OR8B3: variants seen among roughly 807,000 people sequenced by gnomAD.
OR8B3 encodes the protein olfactory receptor family 8 subfamily B member 3, also known as olfactory receptor 8B3.
For missense variants in OR8B3, 278 were observed against 377.6 expected (o/e 0.74, Z 2.19); for synonymous variants, 102 against 135.4 (o/e 0.75, Z 1.71).
the OR8B3 span, among the ~76,000 whole-genome samples, chr11:124,405,260 G>A: frequency 6.6e-6 from 1 of 152,086 alleles, no homozygotes; most frequent in Non-Finnish European, 1.5e-5. Flanking sequence ...GAGTCCCTAA[G>A]GAGGTCCCCA....
rs1042151246 is a variant in OR8B3 at position 124,396,062 on chromosome 11, A to T, written c.*348T>A. On this transcript the variant is annotated 3_prime_UTR_variant, in exon 2 of 2. Transcript: ENST00000641139. ...GCTTCTATCATATTTGGCACTTCTGAGTTTAGGTGAGAAAGCCGTGACTTT... is the reference window on the plus strand; with the variant it reads ...GCTTCTATCATATTTGGCACTTCTGTGTTTAGGTGAGAAAGCCGTGACTTT... 4 of 182,080 alleles carry T rather than the reference A, an allele frequency of 2.2e-5. No individual in the cohort carries two copies. In the East Asian group the frequency reaches 4.4e-4, roughly 20 times the overall value. 11.3% of individuals were successfully genotyped at this position (182,080 alleles called of 1,614,324 possible).
the OR8B3 span, among the ~76,000 whole-genome samples, chr11:124,406,515 C>T: frequency 6.6e-6 from 1 of 152,062 alleles, no homozygotes; most frequent in Non-Finnish European, 1.5e-5. Context: ...TCAGCATTTT[C>T]TTATGATTTC....
chr11:124,401,161 G>A (rs1390014493), upstream of OR8B3, among the ~76,000 whole-genome samples: 5 of 151,544 alleles, frequency 3.3e-5, no homozygotes, highest in Non-Finnish European at 7.4e-5. Flanking sequence ...CCAAGATTGA[G>A]GTGTCAGCAT....
intron 1 of OR8B3, 136 bp downstream of exon 1, chr11:124,398,554 G>C (rs1048896577): frequency 1.3e-5 from 2 of 152,220 alleles, no homozygotes; most frequent in Non-Finnish European, 2.9e-5. Flanking sequence ...GAAGCCAACA[G>C]AGAGAACAGT....
the OR8B3 span, among the ~76,000 whole-genome samples, chr11:124,405,862 T>C: frequency 3.9e-5 from 6 of 152,354 alleles, no homozygotes; most frequent in East Asian, 9.6e-4. Context: ...TCCTGTGTCA[T>C]AGACCTACCT....
the OR8B3 span, among the ~76,000 whole-genome samples, chr11:124,407,694 AT>A: frequency 1.3e-5 from 2 of 152,116 alleles, no homozygotes; most frequent in African/African-American, 4.8e-5. Flanking sequence ...TGAAATACAA[AT>A]TTTATAGAAA....
chr11:124,397,152 G>A lies in OR8B3; in HGVS notation c.200C>T (p.Ser67Phe), dbSNP rs755748416. 8 of 1,612,772 alleles carry A rather than the reference G, an allele frequency of 5.0e-6. No individual in the cohort carries two copies. Among genetic ancestry groups the A allele is most frequent in the South Asian group, 1.1e-5 (1 of 90,976 alleles). ...AGAGGAGTAACAGAGATCAATGAAG[G>A]AGAGATTGAAGAGGAAATAGTACAT... ...TPMYYFLFNL[S>F]FIDLCYSSVF... Residue 67 changes from serine (S) to phenylalanine (F), a missense_variant, in exon 2 of 2, where the codon TCC becomes TTC. Transcript: ENST00000641139.
At chr11:124,399,301 TC>T (rs1235944162), upstream of OR8B3, among the ~76,000 whole-genome samples, 1 of 152,212 alleles carries the variant, frequency 6.6e-6, no homozygotes, top group Admixed American at 6.5e-5. Context: ...ATATTGTGAG[TC>T]CTTTTAAATA....
chr11:124,408,686 G>C, the OR8B3 span, among the ~76,000 whole-genome samples: 1 of 152,102 alleles, frequency 6.6e-6, no homozygotes, highest in Non-Finnish European at 1.5e-5. Context: ...GGCAGGACTC[G>C]ACTCCATCTA....
the OR8B3 span, among the ~76,000 whole-genome samples, chr11:124,407,680 T>G: frequency 6.6e-6 from 1 of 152,156 alleles, no homozygotes; most frequent in African/African-American, 2.4e-5. Flanking sequence ...AGAGAAAATG[T>G]ACATGAAATA....
chr11:124,409,204 G>A, the OR8B3 span, among the ~76,000 whole-genome samples: 7 of 152,270 alleles, frequency 4.6e-5, no homozygotes, highest in African/African-American at 1.7e-4. Flanking sequence ...CAATCACTTC[G>A]AATGAAAAGG....
chr11:124,404,780 T>C, the OR8B3 span: 1 of 152,202 alleles, frequency 6.6e-6, no homozygotes, highest in South Asian at 2.1e-4. Flanking sequence ...ATTCCCACAA[T>C]GACCCCATTT....
Position 124,396,508 on chromosome 11 carries a change from G to C in OR8B3, c.844C>G (p.Pro282Ala). The C allele has an allele frequency of 6.2e-7, 1 of 1,614,032 alleles. No homozygotes were observed. Among genetic ancestry groups the C allele is most frequent in the South Asian group, 1.1e-5 (1 of 91,066 alleles). ...CTGTAGATGAGAGGATTGAGCATGGGCACCACATTAGTGTAGAAAACAGAA... is the reference window on the plus strand; with the variant it reads ...CTGTAGATGAGAGGATTGAGCATGGCCACCACATTAGTGTAGAAAACAGAA... ...VSSVFYTNVVPMLNPLIYSLR... is the reference protein window; with the variant it reads ...VSSVFYTNVVAMLNPLIYSLR... Residue 282 changes from proline to alanine, a missense_variant, in exon 2 of 2, where the codon CCC (proline) becomes GCC (alanine). Coordinates refer to ENST00000641139, the MANE Select transcript of OR8B3 (RefSeq NM_001005467.2).
the OR8B3 span, among the ~76,000 whole-genome samples, chr11:124,407,501 A>G: frequency 6.6e-6 from 1 of 152,144 alleles, no homozygotes; most frequent in Admixed American, 6.5e-5. Flanking sequence ...TTACATTTTC[A>G]TTAACTAAAG....
the OR8B3 span, among the ~76,000 whole-genome samples, chr11:124,408,234 G>A: frequency 0.35 from 52,791 of 151,928 alleles, 10,515 homozygotes; most frequent in African/African-American, 0.55. Flanking sequence ...ATGCTTATTT[G>A]TCCTCTTCCT....
At chr11:124,402,500 C>T (rs1861010356), upstream of OR8B3, among the ~76,000 whole-genome samples, 1 of 152,122 alleles carries the variant, frequency 6.6e-6, no homozygotes. Flanking sequence ...CTGACTTATC[C>T]TCCACCAGGG....
the OR8B3 span, among the ~76,000 whole-genome samples, chr11:124,405,700 A>T: frequency 6.6e-6 from 1 of 152,260 alleles, no homozygotes; most frequent in African/African-American, 2.4e-5. Context: ...AAACAACTTT[A>T]GAAGCCTAAA....
rs1860890681 is a variant in OR8B3 at position 124,396,997 on chromosome 11, C to A, written c.355G>T (p.Ala119Ser). 1.2e-6 allele frequency: 2 copies of A among 1,613,494 alleles called. No homozygotes were observed. Among genetic ancestry groups the A allele is most frequent in the Admixed American group, 3.3e-5 (2 of 59,888 alleles). ...CAGATGGCCACATAGCGATCATATG[C>A]CATTGAGGTCAACATGTAACATTCA... ...ISECYMLTSM[A>S]YDRYVAICNP... The change falls in exon 2 of 2, where the codon GCA becomes TCA. Residue 119 changes from alanine (A) to serine (S), a missense_variant. Physicochemically the swap from Ala to Ser is moderately conservative, Grantham distance 99. Transcript: ENST00000641139.
At chr11:124,407,009 C>G in the OR8B3 span, among the ~76,000 whole-genome samples, 2 of 152,074 alleles carry the variant, frequency 1.3e-5, no homozygotes, top group Admixed American at 6.6e-5. Context: ...TGGGGGCTCT[C>G]ATTTGCTTTG....
Sources: gnomAD v4.1 joint callset for allele counts (sites outside exome capture counted in the v4.1 genomes callset) on GRCh38, gnomAD v4.1.1 for gene constraint, MANE v1.5 for transcripts, NCBI Gene and HGNC (gene_info 2026-07-23, HGNC 2026-07-21) for gene names.